The following CNTN2 variants were observed in gnomAD, a reference collection of about 807,000 sequenced individuals.
CNTN2 encodes contactin 2.
Under a neutral mutation model 117.5 loss-of-function variants are expected in CNTN2, and 53 were observed. That is an observed-to-expected ratio of 0.45 (90% CI 0.36 to 0.57). The LOEUF (loss-of-function observed/expected upper bound fraction) is 0.57. CNTN2 is among the 20% of genes least tolerant of loss of function. The pLI, the probability that CNTN2 is intolerant of heterozygous loss-of-function variation, is 0.00. For missense variants in CNTN2, 1,106 were observed against 1,404.3 expected (o/e 0.79, Z 3.39); for synonymous variants, 530 against 561.7 (o/e 0.94, Z 0.80).
Position 205,065,947 on chromosome 1 carries a change from CT to C in CNTN2, c.1816+40del. The C allele has an allele frequency of 1.3e-6, 2 of 1,576,264 alleles. No homozygotes were observed. Among genetic ancestry groups the C allele is most frequent in the Non-Finnish European group, 1.7e-6 (2 of 1,160,184 alleles). ...CCACCTCTACCCCTACCCCAACTCC[CT>C]TAAAACCCAGCTGGGCTGTTCTGAC... is the stretch of plus-strand genomic sequence containing the variant. On this transcript the variant is annotated intron_variant, in intron 14 of 22. Transcript: ENST00000331830. This position sits in a 1 kb window ranked among gnomAD's most constrained non-coding sequence, Gnocchi z 4.1.
chr1:205,071,984 C>A lies in CNTN2; in HGVS notation c.2582C>A (p.Ala861Glu), dbSNP rs1321226803. Residue 861 changes from alanine to glutamate, a missense_variant, in exon 20 of 23, where the codon GCG becomes GAG. Coordinates refer to ENST00000331830, the MANE Select transcript of CNTN2 (RefSeq NM_005076.5). The stretch of plus-strand genomic sequence containing the variant: ...AAAGCTGGGGACAAAGAAGCAGCTG[C>A]GGACCGAGTGAGGACAGCAGGGCTG... ...YWKAGDKEAA[A>E]DRVRTAGLDT... 7.4e-6 allele frequency: 12 copies of A among 1,613,646 alleles called. No individual in the cohort carries two copies. The highest frequency in any genetic ancestry group is 1.0e-5 in the Non-Finnish European group (12 of 1,179,872).
Position 205,058,071 on chromosome 1 carries a change from G to T in CNTN2, c.215+6G>T, listed in dbSNP as rs370377460. On this transcript the variant is annotated splice_donor_region_variant and intron_variant, in intron 3 of 22. Transcript: ENST00000331830. The surrounding 1 kb of genome is among the most constrained non-coding windows in gnomAD (Gnocchi z 4.3). ...AGCCCTCCAGCCACCTATCGGTAAG[G>T]CCTCTGCAGTGGGTGCTGGGAGGCC... 1.4e-5 allele frequency: 22 copies of T among 1,612,916 alleles called. No homozygotes were observed. The East Asian group carries it at 3.6e-4, about 26-fold the overall frequency.
chr1:205,059,359 G>A lies in CNTN2; in HGVS notation c.697+66G>A, dbSNP rs897061346. On this transcript the variant is annotated intron_variant, in intron 6 of 22. Coordinates refer to ENST00000331830, the MANE Select transcript of CNTN2 (RefSeq NM_005076.5). This position sits in a 1 kb window ranked among gnomAD's most constrained non-coding sequence, Gnocchi z 5.6. ...AGGGTCAGCGGGCATTAGGAAAAGGGTTTTTCCTTTGGAGATTGGAAGATC... is the reference window on the plus strand; with the variant it reads ...AGGGTCAGCGGGCATTAGGAAAAGGATTTTTCCTTTGGAGATTGGAAGATC... 1 of 1,484,228 alleles carries A rather than the reference G, an allele frequency of 6.7e-7. No homozygotes were observed. The highest frequency in any genetic ancestry group is 1.4e-5 in the African/African-American group (1 of 72,126). The allele number at this position is 1,484,228 out of a possible 1,614,324, so 91.9% of individuals were successfully genotyped here. A position where few individuals can be genotyped will look rare whatever the true frequency, so the allele number is the denominator to read the frequency against.
chr1:205,064,942 G>A, intron 12 of CNTN2, 145 bp from the exon 13 acceptor site: 1 of 1,158,162 alleles, frequency 8.6e-7, no homozygotes, highest in Non-Finnish European at 1.2e-6. Context: ...ACACACTCAT[G>A]CAGTCCTGGG....
At chr1:205,069,181 G>A (rs890796412) in intron 16 of CNTN2, 2 of 356,026 alleles carry the variant, frequency 5.6e-6, no homozygotes, top group African/African-American at 2.1e-5. Flanking sequence ...ACTAACCACC[G>A]TCTTGTCTAA....
At chr1:205,070,185 G>T in intron 18 of CNTN2, 124 bp downstream of exon 18, 2 of 946,380 alleles carry the variant, frequency 2.1e-6, no homozygotes, top group Non-Finnish European at 3.2e-6. Context: ...AGGACACCTG[G>T]GTTCCACATC....
At position 205,052,419 on chromosome 1, in the gene CNTN2, C is replaced by G. The variant is rs183938310; in HGVS notation, c.-86-681C>G. 3.7e-3 allele frequency among the ~76,000 whole-genome samples: 558 copies of G among 152,346 alleles called. 3 individuals carry two copies. Among genetic ancestry groups the G allele is most frequent in the Non-Finnish European group, 5.5e-3 (375 of 68,030 alleles). ...CCAGAGCTCAATGATTGAACCAAGC[C>G]TCAGCTCATCTCTGTGCAAGAGGGA... On this transcript the variant is annotated intron_variant, in intron 1 of 22. Transcript: ENST00000331830.
In CNTN2 at chr1:205,075,043, G is replaced by A. The variant is rs185485866; in HGVS notation, c.*1278G>A. On this transcript the variant is annotated 3_prime_UTR_variant, in exon 23 of 23. Coordinates refer to ENST00000331830, the MANE Select transcript of CNTN2 (RefSeq NM_005076.5). ...TCTTCAAGCCCCTCACTTTACAGAT[G>A]AGGAAATGGAGGTGGTCCAGAGAGG... is the stretch of plus-strand genomic sequence containing the variant. 9 of 397,162 alleles carry A rather than the reference G, an allele frequency of 2.3e-5. No homozygotes were observed. The Admixed American group carries it at 3.5e-4, about 16-fold the overall frequency. 24.6% of individuals were successfully genotyped at this position (397,162 alleles called of 1,614,324 possible).
rs1192670241 is a variant in CNTN2 at position 205,075,466 on chromosome 1, CAG to C, written c.*1702_*1703del. The stretch of plus-strand genomic sequence containing the variant: ...CCATGCTCCGACAGGTGGCCCTTCA[CAG>C]GGGGCAGCGGGACAGGCATCTTGAA... On this transcript the variant is annotated 3_prime_UTR_variant, in exon 23 of 23. Transcript: ENST00000331830. The C allele has an allele frequency of 1.3e-5, 2 of 152,706 alleles. No homozygotes were observed. The highest frequency in any genetic ancestry group is 1.9e-4 in the East Asian group (1 of 5,198). The allele number at this position is 152,706 out of a possible 1,614,324, so 9.5% of individuals were successfully genotyped here. A position where few individuals can be genotyped will look rare whatever the true frequency, so the allele number is the denominator to read the frequency against.
chr1:205,058,737 G>T lies in CNTN2; in HGVS notation c.487+74G>T. 1 of 1,179,706 alleles carries T rather than the reference G, an allele frequency of 8.5e-7. No homozygotes were observed. Among genetic ancestry groups the T allele is most frequent in the East Asian group, 2.5e-5 (1 of 39,486 alleles). The allele number at this position is 1,179,706 out of a possible 1,614,324, so 73.1% of individuals were successfully genotyped here. ...CCAGATGCTTGGCAGAGGAAGGATG[G>T]AATAAAAGGAGACCCCTGGAAATGA... On this transcript the variant is annotated intron_variant, in intron 5 of 22. Coordinates refer to ENST00000331830, the MANE Select transcript of CNTN2 (RefSeq NM_005076.5). The surrounding 1 kb of genome is among the most constrained non-coding windows in gnomAD (Gnocchi z 4.3).
In CNTN2 at chr1:205,064,652, TCATAAGAAA is replaced by T; in HGVS notation, c.1425_1433del (p.Arg476_Ile478del). 6.2e-7 allele frequency: 1 copy of T among 1,614,108 alleles called. No homozygotes were observed. The highest frequency in any genetic ancestry group is 8.5e-7 in the Non-Finnish European group (1 of 1,180,008). ...ACTGTAACTCCAGATGGCACCTTGA[TCATAAGAAA>T]CATCAGCCGGTCAGATGAAGGCAAA... On this transcript the variant is annotated inframe_deletion, in exon 12 of 23. Transcript: ENST00000331830.
At chr1:205,043,640 C>A (rs577098838) in intron 1 of CNTN2, among the ~76,000 whole-genome samples, 2 of 152,170 alleles carry the variant, frequency 1.3e-5, no homozygotes, top group African/African-American at 4.8e-5. Flanking sequence ...CGAGCCTGGC[C>A]GAAAAGCTGG....
chr1:205,044,456 C>T (rs1353479130), intron 1 of CNTN2, among the ~76,000 whole-genome samples: 7 of 139,000 alleles, frequency 5.0e-5, no homozygotes, highest in Non-Finnish European at 1.0e-4. Context: ...GAGCCTGTGT[C>T]CTGGGGGGGG....
intron 1 of CNTN2, among the ~76,000 whole-genome samples, chr1:205,047,897 TG>T (rs762742803): frequency 1.7e-4 from 26 of 152,104 alleles, no homozygotes; most frequent in Non-Finnish European, 3.5e-4. Context: ...TTCTTGCAGA[TG>T]GGAGAGTGAG....
rs2151194250 is a variant in CNTN2 at position 205,064,412 on chromosome 1, C to T, written c.1331C>T (p.Ala444Val). The part of the protein sequence containing the change: ...GEILIPCQPR[A>V]APKAVVLWSK... ...ATCCTTATCCCCTGCCAGCCCCGGG[C>T]AGCTCCAAAGGCCGTGGTGCTCTGG... Residue 444 changes from alanine to valine, a missense_variant, in exon 11 of 23, where the codon GCA (alanine) becomes GTA (valine). Ala to Val is a moderately conservative substitution (Grantham distance 64). Transcript: ENST00000331830. 1 of 1,613,116 alleles carries T rather than the reference C, an allele frequency of 6.2e-7. No homozygotes were observed. Among genetic ancestry groups the T allele is most frequent in the East Asian group, 2.2e-5 (1 of 44,820 alleles).
intron 1 of CNTN2, among the ~76,000 whole-genome samples, chr1:205,047,201 G>A (rs901040144): frequency 2.6e-5 from 4 of 152,142 alleles, no homozygotes; most frequent in African/African-American, 9.7e-5. Flanking sequence ...GGCTGAGGAG[G>A]TCCCTATGTC....
At chr1:205,072,954 C>T in intron 21 of CNTN2, 114 bp from the exon 22 acceptor site, 8 of 1,145,842 alleles carry the variant, frequency 7.0e-6, no homozygotes, top group Non-Finnish European at 9.9e-6. Context: ...GGTGAGGAGG[C>T]TGGACCTCAA....
At chr1:205,062,110 T>G in intron 9 of CNTN2, 109 bp downstream of exon 9, 1 of 1,408,506 alleles carries the variant, frequency 7.1e-7, no homozygotes, top group Non-Finnish European at 9.5e-7. Flanking sequence ...TCTGGGCTAA[T>G]TAGGGTGTCA....
rs2096445056 is a variant in CNTN2, at chr1:205,048,213, G to A, written c.-87+4819G>A. ...ATCTCCATTACTGGGGAGAAGGGGA[G>A]ACAGATTCAGGGCCAGGAGCTGGGC... On this transcript the variant is annotated intron_variant, in intron 1 of 22. Transcript: ENST00000331830. The surrounding 1 kb of genome is among the most constrained non-coding windows in gnomAD (Gnocchi z 4.1). Among the ~76,000 whole-genome samples, 1 of 152,194 alleles carries A rather than the reference G, an allele frequency of 6.6e-6. No homozygotes were observed. Among genetic ancestry groups the A allele is most frequent in the African/African-American group, 2.4e-5 (1 of 41,448 alleles).
Sources: gnomAD v4.1 joint callset for allele counts (sites outside exome capture counted in the v4.1 genomes callset) on GRCh38, gnomAD v4.1.1 for gene constraint, Gnocchi (gnomAD v3.1) non-coding constraint, MANE v1.5 for transcripts, NCBI Gene and HGNC (gene_info 2026-07-23, HGNC 2026-07-21) for gene names.